WDCP: variants seen among roughly 807,000 people sequenced by gnomAD.
WDCP encodes the protein WD repeat and coiled coil containing.
WDCP carries 19 observed loss-of-function variants against 41.6 expected under a neutral mutation model. The ratio of observed to expected loss-of-function variants is 0.46; its 90% CI spans 0.32 to 0.67. WDCP has a LOEUF of 0.67. Ranked by LOEUF, WDCP falls within the 30% of genes least tolerant of loss-of-function variation. The pLI, the probability that WDCP is intolerant of heterozygous loss-of-function variation, is 0.04. For missense variants in WDCP, 802 were observed against 850.7 expected, an observed-to-expected ratio of 0.94 and a Z score of 0.71; for synonymous variants, 302 against 320.8, an observed-to-expected ratio of 0.94 and a Z score of 0.63.
intron 3 of WDCP, among the ~76,000 whole-genome samples, chr2:24,032,248 GGCTCAC>G (rs1663117556): frequency 2.0e-5 from 3 of 152,296 alleles, no homozygotes; most frequent in Admixed American, 2.0e-4. Context: ...TGGGTGCAGT[GGCTCAC>G]GCCTTTAATC....
chr2:24,039,087 G>T lies in WDCP; in HGVS notation c.408C>A (p.Val136=), dbSNP rs1360814962. ...CAGAGTGAACATTAGGGAAAATGGA[G>T]ACATCCTGAGCAGTCAACACAGTCA... ...AILTVLTAQD[V]SIFPNVHSDD... Residue 136 remains valine (V), a synonymous_variant, in exon 2 of 4, where the codon GTC becomes GTA. Transcript: ENST00000295148. 6.2e-7 allele frequency: 1 copy of T among 1,614,210 alleles called. No homozygotes were observed. The highest frequency in any genetic ancestry group is 1.7e-5 in the Admixed American group (1 of 60,008).
At position 24,038,260 on chromosome 2, in the gene WDCP, G is replaced by A. The variant is rs143333285; in HGVS notation, c.1235C>T (p.Thr412Ile). 1.1e-5 allele frequency: 17 copies of A among 1,614,040 alleles called. No homozygotes were observed. The highest frequency in any genetic ancestry group is 1.4e-5 in the Non-Finnish European group (16 of 1,180,002). Reference sequence around the variant, plus strand: ...ATCAGACTTTGAAGAAGGAAGAAATGTTGTATCAGTGAGTTTTTGTTTTCC... The same window carrying A: ...ATCAGACTTTGAAGAAGGAAGAAATATTGTATCAGTGAGTTTTTGTTTTCC... The part of the protein sequence containing the change: ...LVGKQKLTDT[T>I]FLPSSKSDQY... The change falls in exon 2 of 4, where the codon ACA (threonine) becomes ATA (isoleucine). Residue 412 changes from threonine to isoleucine, a missense_variant. Physicochemically the swap from Thr to Ile is moderately conservative, Grantham distance 89. This residue lies in a region of WDCP where 247 missense variants were observed against 240.5 expected (regional missense o/e 1.03). Transcript: ENST00000295148.
intron 2 of WDCP, chr2:24,033,217 A>G (rs1262267825): frequency 1.1e-5 from 6 of 545,388 alleles, no homozygotes; most frequent in Non-Finnish European, 1.1e-5. Context: ...TAATAACACT[A>G]AAAGGATGAT....
At chr2:24,036,627 A>G (rs1488345062) in intron 2 of WDCP, among the ~76,000 whole-genome samples, 2 of 152,250 alleles carry the variant, frequency 1.3e-5, no homozygotes, top group Non-Finnish European at 2.9e-5. Context: ...ATGGATACAT[A>G]TAAGAGTACT....
Position 24,039,014 on chromosome 2 carries a change from A to G in WDCP, c.481T>C (p.Cys161Arg). The G allele has an allele frequency of 6.2e-7, 1 of 1,614,208 alleles. No homozygotes were observed. Among genetic ancestry groups the G allele is most frequent in the East Asian group, 2.2e-5 (1 of 44,894 alleles). The stretch of plus-strand genomic sequence containing the variant: ...AGGCCATCCTGGGTCCAACATGCAC[A>G]GTGAATGCGGCCCTGGGTGTTGATG... ...ADINTQGRIH[C>R]ACWTQDGLRL... Residue 161 changes from cysteine (C) to arginine (R), a missense_variant, in exon 2 of 4, where the codon TGT (cysteine) becomes CGT (arginine). Physicochemically the swap from Cys to Arg is radical, Grantham distance 180 (BLOSUM62 -3). This residue lies in a region of WDCP where 214 missense variants were observed against 252.9 expected (regional missense o/e 0.85). Coordinates refer to ENST00000295148, the MANE Select transcript of WDCP (RefSeq NM_025203.3).
chr2:24,041,730 G>A (rs1663439609), intron 1 of WDCP, among the ~76,000 whole-genome samples: 1 of 151,878 alleles, frequency 6.6e-6, no homozygotes, highest in Non-Finnish European at 1.5e-5. Flanking sequence ...GCAGGTGCCT[G>A]TAATCCCAGC....
At position 24,037,744 on chromosome 2, in the gene WDCP, T is replaced by C. The variant is rs1419808717; in HGVS notation, c.1751A>G (p.Asn584Ser). Residue 584 changes from asparagine to serine, a missense_variant, in exon 2 of 4, where the codon AAT (asparagine) becomes AGT (serine). This residue lies in a region of WDCP where 321 missense variants were observed against 305.1 expected (regional missense o/e 1.05). Transcript: ENST00000295148. ...ATACACTGAAGAGGATTTCTTCCCA[T>C]TATGCAGACGGTTTGTAAGTTCAGA... ...CLSELTNRLH[N>S]GKKSSSVYPL... 2.5e-6 allele frequency: 4 copies of C among 1,614,206 alleles called. No individual in the cohort carries two copies. Among genetic ancestry groups the C allele is most frequent in the Non-Finnish European group, 2.5e-6 (3 of 1,180,002 alleles).
intron 1 of WDCP, 135 bp from the exon 2 acceptor site, chr2:24,039,647 A>G: frequency 1.4e-6 from 1 of 709,004 alleles, no homozygotes; most frequent in Non-Finnish European, 2.3e-6. Context: ...GGGGAGTATT[A>G]TAAATTAAGA....
chr2:24,047,188 ATCCTC>A (rs1414046380), intron 1 of WDCP, 121 bp downstream of exon 1: 2 of 149,734 alleles, frequency 1.3e-5, no homozygotes, highest in East Asian at 3.9e-4. Context: ...CATTCTCCTC[ATCCTC>A]TCTGCACGCC....
At chr2:24,039,753 C>T (rs1220838416) in intron 1 of WDCP, among the ~76,000 whole-genome samples, 9 of 151,934 alleles carry the variant, frequency 5.9e-5, no homozygotes, top group Non-Finnish European at 1.3e-4. Context: ...CTGGGGAAAT[C>T]TGAGTATGGA....
rs532145450 is a variant in WDCP, at chr2:24,031,820, G to A, written c.1937-658C>T. 1.6e-4 allele frequency among the ~76,000 whole-genome samples: 24 copies of A among 149,962 alleles called. No homozygotes were observed. The South Asian group carries it at 4.0e-3, about 25-fold the overall frequency. On this transcript the variant is annotated intron_variant, in intron 3 of 3. Coordinates refer to ENST00000295148, the MANE Select transcript of WDCP (RefSeq NM_025203.3). ...CAGCCTGGGTGACAGAGTGAGACTC[G>A]GTCTCAAAAAAAAAAAAAGAAAGAA...
At chr2:24,043,922 T>A (rs1161448953) in intron 1 of WDCP, among the ~76,000 whole-genome samples, 1 of 152,042 alleles carries the variant, frequency 6.6e-6, no homozygotes, top group African/African-American at 2.4e-5. Flanking sequence ...CTTTTATATA[T>A]GATGTCAGAT....
At chr2:24,044,418 C>G (rs1237722304) in intron 1 of WDCP, among the ~76,000 whole-genome samples, 2 of 152,066 alleles carry the variant, frequency 1.3e-5, no homozygotes, top group Admixed American at 1.3e-4. Context: ...AGGGGCCCAC[C>G]ACCATGCCCA....
intron 1 of WDCP, among the ~76,000 whole-genome samples, chr2:24,045,600 C>CAA (rs869243363): frequency 1.4e-3 from 91 of 64,238 alleles, no homozygotes; most frequent in African/African-American, 4.9e-3. Flanking sequence ...GACTCCATCT[C>CAA]AAAAAAAAAA....
intron 2 of WDCP, among the ~76,000 whole-genome samples, chr2:24,034,986 A>G (rs1473638840): frequency 6.6e-6 from 1 of 151,666 alleles, no homozygotes; most frequent in Admixed American, 6.6e-5. Flanking sequence ...CTATTTAAAG[A>G]AAATTTTAAA....
At chr2:24,032,779 G>A (rs1223593130) in intron 3 of WDCP, 50 bp downstream of exon 3, 2 of 1,009,398 alleles carry the variant, frequency 2.0e-6, no homozygotes, top group Non-Finnish European at 3.2e-6. Flanking sequence ...AAAACAGATG[G>A]TGGGGGAGGC....
At chr2:24,040,931 G>A (rs549282586) in intron 1 of WDCP, among the ~76,000 whole-genome samples, 9 of 151,574 alleles carry the variant, frequency 5.9e-5, no homozygotes, top group Admixed American at 1.3e-4. Context: ...CAGGAGAATC[G>A]TTTGAACTGG....
At chr2:24,031,192 T>G (rs1347978539) in intron 3 of WDCP, 30 bp from the exon 4 acceptor site, 1 of 1,505,152 alleles carries the variant, frequency 6.6e-7, no homozygotes, top group Admixed American at 1.7e-5. Flanking sequence ...CACAGGCAAT[T>G]TAGTATATAT....
chr2:24,046,463 A>G (rs1444997392), intron 1 of WDCP, among the ~76,000 whole-genome samples: 1 of 152,192 alleles, frequency 6.6e-6, no homozygotes, highest in Non-Finnish European at 1.5e-5. Context: ...TAGGAGGGAA[A>G]AGACCACTGT....
Sources: gnomAD v4.1 joint callset for allele counts (sites outside exome capture counted in the v4.1 genomes callset) on GRCh38, gnomAD v4.1.1 for gene constraint, gnomAD v4.1.1 regional missense constraint, MANE v1.5 for transcripts, NCBI Gene and HGNC (gene_info 2026-07-23, HGNC 2026-07-21) for gene names.